GCM1: variants seen among roughly 807,000 people sequenced by gnomAD.
The protein encoded by GCM1 is GCM transcription factor 1.
Under a neutral mutation model 25.7 loss-of-function variants are expected in GCM1, and 2 were observed. The ratio of observed to expected loss-of-function variants is 0.08; its 90% confidence interval spans 0.03 to 0.24. The LOEUF (loss-of-function observed/expected upper bound fraction) is 0.24, where lower values mean the gene tolerates loss of function less well. Ranked by LOEUF, GCM1 falls within the 10% of genes least tolerant of loss-of-function variation. The probability of loss-of-function intolerance (pLI) is 1.00; values close to 1 mark genes in which losing one functional copy is unlikely to be tolerated. For missense variants in GCM1, 395 were observed against 538.7 expected (o/e 0.73, Z 2.64); for synonymous variants, 183 against 195.7 (o/e 0.94, Z 0.54).
Position 53,132,093 on chromosome 6 carries a change from G to A in GCM1, c.355C>T (p.Pro119Ser), listed in dbSNP as rs774517339. 1 of 1,611,766 alleles carries A rather than the reference G, an allele frequency of 6.2e-7. No homozygotes were observed. Among genetic ancestry groups the A allele is most frequent in the South Asian group, 1.1e-5 (1 of 91,032 alleles). The part of the protein sequence containing the change: ...QRKRCPNCDG[P>S]LKLIPCRGHG... Reference sequence around the variant, plus strand: ...CCTCGGCAAGGGATGAGCTTCAGAGGCCCGTCACAGTTGGGACAGCGTTTC... The same window carrying A: ...CCTCGGCAAGGGATGAGCTTCAGAGACCCGTCACAGTTGGGACAGCGTTTC... Residue 119 changes from proline (P) to serine (S), a missense_variant, in exon 4 of 6, where the codon CCT (proline) becomes TCT (serine). Pro to Ser is a moderately conservative substitution (Grantham distance 74). Coordinates refer to ENST00000259803, the MANE Select transcript of GCM1 (RefSeq NM_003643.4).
chr6:53,139,211 A>G (rs1263514573), intron 2 of GCM1, among the ~76,000 whole-genome samples: 2 of 152,172 alleles, frequency 1.3e-5, no homozygotes, highest in Non-Finnish European at 2.9e-5. Flanking sequence ...CAAAAATCAG[A>G]TATTATGGAA....
intron 1 of GCM1, among the ~76,000 whole-genome samples, chr6:53,147,159 A>G (rs1324930025): frequency 6.6e-6 from 1 of 152,200 alleles, no homozygotes; most frequent in African/African-American, 2.4e-5. Context: ...TGGTTAAAGG[A>G]GGTTTACCAA....
At chr6:53,142,911 GAACTA>G (rs1182737005) in intron 2 of GCM1, among the ~76,000 whole-genome samples, 1 of 131,864 alleles carries the variant, frequency 7.6e-6, no homozygotes, top group Non-Finnish European at 1.6e-5. Context: ...AAAGGAGATG[GAACTA>G]GAATTCAAAT....
At chr6:53,132,586 C>T (rs1763741189) in intron 3 of GCM1, among the ~76,000 whole-genome samples, 1 of 152,164 alleles carries the variant, frequency 6.6e-6, no homozygotes, top group Non-Finnish European at 1.5e-5. Context: ...GTGGTGCACA[C>T]CTGTAGTCCC....
chr6:53,145,471 C>T (rs1763941005), intron 2 of GCM1, 87 bp downstream of exon 2: 1 of 797,750 alleles, frequency 1.3e-6, no homozygotes, highest in Non-Finnish European at 2.3e-6. Flanking sequence ...CTGGAATCCT[C>T]ACCAATTTCC....
At chr6:53,138,377 C>T (rs899728520) in intron 2 of GCM1, among the ~76,000 whole-genome samples, 1 of 151,496 alleles carries the variant, frequency 6.6e-6, no homozygotes, top group African/African-American at 2.4e-5. Context: ...AGTCTCTGGG[C>T]CATTTATTCA....
intron 2 of GCM1, 76 bp downstream of exon 2, chr6:53,145,482 T>C (rs1237378648): frequency 1.2e-6 from 1 of 829,758 alleles, no homozygotes; most frequent in African/African-American, 1.7e-5. Context: ...ACCAATTTCC[T>C]TCCAGGTCTC....
chr6:53,142,312 C>T (rs1763887445), intron 2 of GCM1, among the ~76,000 whole-genome samples: 1 of 152,044 alleles, frequency 6.6e-6, no homozygotes, highest in African/African-American at 2.4e-5. Flanking sequence ...GTCTGGGGAA[C>T]ATCAACCCCT....
chr6:53,134,054 C>G lies in GCM1; in HGVS notation c.328+18G>C. On this transcript the variant is annotated intron_variant, in intron 3 of 5. Transcript: ENST00000259803. Reference sequence around the variant, plus strand: ...AGGGATGCCAGCTTTTTTGCTGGTGCCACTAAGCTCTACTCACGCTGCTGC... The same window carrying G: ...AGGGATGCCAGCTTTTTTGCTGGTGGCACTAAGCTCTACTCACGCTGCTGC... 1.2e-6 allele frequency: 2 copies of G among 1,608,290 alleles called. No individual in the cohort carries two copies. The highest frequency in any genetic ancestry group is 1.7e-6 in the Non-Finnish European group (2 of 1,175,540).
At chr6:53,139,073 C>T (rs1354848880) in intron 2 of GCM1, among the ~76,000 whole-genome samples, 1 of 152,112 alleles carries the variant, frequency 6.6e-6, no homozygotes, top group Admixed American at 6.5e-5. Context: ...TCTGCTCTTG[C>T]ATAAAGTAAA....
chr6:53,128,954 G>A lies in GCM1; in HGVS notation c.571-8C>T, dbSNP rs1161477090. On this transcript the variant is annotated splice_polypyrimidine_tract_variant and splice_region_variant and intron_variant, in intron 5 of 5. Transcript: ENST00000259803. ...TGTTTCACCTGGAAGAGACTGGAAAGGAAAGTGAAATGCTCGTGTTAATAA... is the reference window on the plus strand; with the variant it reads ...TGTTTCACCTGGAAGAGACTGGAAAAGAAAGTGAAATGCTCGTGTTAATAA... 5.0e-6 allele frequency: 8 copies of A among 1,607,508 alleles called. No individual in the cohort carries two copies. The highest frequency in any genetic ancestry group is 5.9e-6 in the Non-Finnish European group (7 of 1,176,556).
At position 53,128,669 on chromosome 6, in the gene GCM1, GA is replaced by G; in HGVS notation, c.847del (p.Ser283LeufsTer38). 6.2e-7 allele frequency: 1 copy of G among 1,614,028 alleles called. No individual in the cohort carries two copies. On this transcript the variant is annotated frameshift_variant, in exon 6 of 6. Coordinates refer to ENST00000259803, the MANE Select transcript of GCM1 (RefSeq NM_003643.4). LOFTEE classifies it low-confidence loss of function (END_TRUNC). ...TYSSGDLLPP[S>X]ASGVYSDHGD... ...ATGATCAGAGTAGACTCCGGAGGCA[GA>G]AGGAGGAAGCAGGTCTCCACTACTG...
At position 53,128,353 on chromosome 6, in the gene GCM1, G is replaced by A; in HGVS notation, c.1164C>T (p.Pro388=). 6.2e-7 allele frequency: 1 copy of A among 1,614,008 alleles called. No individual in the cohort carries two copies. The highest frequency in any genetic ancestry group is 8.5e-7 in the Non-Finnish European group (1 of 1,179,880). ...GATGAGAGGCGTAGGTGAAGAGAAA[G>A]GGGTCTTCTTGAGGTGAATGGTATG... The part of the protein sequence containing the change: ...SPAYHSPQED[P]FLFTYASHPH... Residue 388 remains proline (P), a synonymous_variant, in exon 6 of 6, where the codon CCC becomes CCT. Coordinates refer to ENST00000259803, the MANE Select transcript of GCM1 (RefSeq NM_003643.4).
chr6:53,135,753 GCTT>G lies in GCM1; in HGVS notation c.76-1432_76-1430del, dbSNP rs1462198382. On this transcript the variant is annotated intron_variant, in intron 2 of 5. Coordinates refer to ENST00000259803, the MANE Select transcript of GCM1 (RefSeq NM_003643.4). ...AAGGTCCAGAAGAAAAGACTAGGCT[GCTT>G]CTTCTTTGCTTTCCCAACCAGAAAG... 5.9e-5 allele frequency among the ~76,000 whole-genome samples: 9 copies of G among 152,290 alleles called. No individual in the cohort carries two copies. In the East Asian group the frequency reaches 1.7e-3, roughly 29 times the overall value.
chr6:53,144,539 TCCC>T (rs2127510950), intron 2 of GCM1, among the ~76,000 whole-genome samples: 1 of 136,704 alleles, frequency 7.3e-6, no homozygotes, highest in Non-Finnish European at 1.5e-5. Context: ...ATGCCTGTAA[TCCC>T]AGCACTTTGG....
chr6:53,136,915 G>T (rs977982879), intron 2 of GCM1, among the ~76,000 whole-genome samples: 5 of 152,016 alleles, frequency 3.3e-5, no homozygotes, highest in African/African-American at 1.2e-4. Context: ...GGTGGAGGTT[G>T]CAGTGAGCCA....
At chr6:53,138,339 C>T (rs994197617) in intron 2 of GCM1, among the ~76,000 whole-genome samples, 5 of 146,738 alleles carry the variant, frequency 3.4e-5, no homozygotes, top group Admixed American at 3.4e-4. Context: ...GAGAACATTA[C>T]TAGGAGTAAA....
chr6:53,134,427 C>T (rs1763769293), intron 2 of GCM1, 103 bp from the exon 3 acceptor site: 6 of 1,144,666 alleles, frequency 5.2e-6, no homozygotes, highest in Non-Finnish European at 7.6e-6. Context: ...CATTCAGGAG[C>T]TGGGCAAGAG....
chr6:53,144,438 A>AT (rs1284944952), intron 2 of GCM1, among the ~76,000 whole-genome samples: 1 of 151,078 alleles, frequency 6.6e-6, no homozygotes, highest in African/African-American at 2.4e-5. Context: ...AAAAAAAAAA[A>AT]GTCAGTTGCC....
Sources: allele counts gnomAD v4.1 joint callset (sites outside exome capture counted in the v4.1 genomes callset), GRCh38; gene constraint gnomAD v4.1.1; transcripts MANE v1.5; gene names NCBI Gene and HGNC (gene_info 2026-07-23, HGNC 2026-07-21).